Variants in ERI1 observed in about 807,000 individuals in gnomAD.
ERI1 encodes 3'-5' exoribonuclease 1.
ERI1 carries 39 observed loss-of-function variants against 39.7 expected under a neutral mutation model. The observed-to-expected ratio is 0.98, with a 90% confidence interval of 0.76 to 1.28. The LOEUF is 1.28. Ranked by LOEUF, ERI1 falls within the 50% of genes most tolerant of loss-of-function variation. The pLI is 0.00. For missense variants in ERI1, 581 were observed against 416.9 expected, an observed-to-expected ratio of 1.39 and a Z score of -3.43; for synonymous variants, 204 against 149.6, an observed-to-expected ratio of 1.36 and a Z score of -2.65.
At chr8:9,056,546 A>T (rs561859750) in intron 3 of ERI1, among the ~76,000 whole-genome samples, 3 of 152,342 alleles carry the variant, frequency 2.0e-5, no homozygotes, top group South Asian at 4.1e-4. Flanking sequence ...TTCCACATTT[A>T]AGGTAAATTC....
intron 3 of ERI1, among the ~76,000 whole-genome samples, chr8:9,080,824 C>G (rs956062210): frequency 1.3e-5 from 2 of 152,048 alleles, no homozygotes; most frequent in Non-Finnish European, 2.9e-5. Flanking sequence ...TGGAGGGCAG[C>G]GGTGCAAAGA....
intron 3 of ERI1, among the ~76,000 whole-genome samples, chr8:9,092,361 C>G (rs957063574): frequency 2.6e-5 from 4 of 152,164 alleles, no homozygotes; most frequent in African/African-American, 9.7e-5. Flanking sequence ...TCGTTCTGTT[C>G]AGAATCTTCC....
intron 6 of ERI1, among the ~76,000 whole-genome samples, chr8:9,021,061 C>T (rs1273913122): frequency 1.3e-5 from 2 of 152,152 alleles, no homozygotes; most frequent in Non-Finnish European, 2.9e-5. Context: ...ACCACTCCTG[C>T]TTGTCCTTCC....
At chr8:9,075,830 G>A (rs1395396619) in intron 3 of ERI1, among the ~76,000 whole-genome samples, 3 of 152,184 alleles carry the variant, frequency 2.0e-5, no homozygotes, top group East Asian at 3.8e-4. Context: ...ATAGAGACAA[G>A]GTCTTGCCAT....
chr8:9,028,488 A>T (rs1341415542), intron 6 of ERI1, among the ~76,000 whole-genome samples: 1 of 152,250 alleles, frequency 6.6e-6, no homozygotes, highest in African/African-American at 2.4e-5. Context: ...TAACCCTATG[A>T]GTAAATATTA....
At chr8:9,017,485 A>G (rs1361629060) in intron 4 of ERI1, among the ~76,000 whole-genome samples, 2 of 152,176 alleles carry the variant, frequency 1.3e-5, no homozygotes, top group African/African-American at 4.8e-5. Context: ...CTTTATGTGT[A>G]TATAGACGTA....
chr8:9,005,589 G>C (rs57693332), intron 1 of ERI1, among the ~76,000 whole-genome samples: 1 of 147,302 alleles, frequency 6.8e-6, no homozygotes, highest in South Asian at 2.1e-4. Flanking sequence ...GTCTCGGCTC[G>C]CTGCAAGCTC....
intron 6 of ERI1, among the ~76,000 whole-genome samples, chr8:9,022,809 A>G (rs1818057625): frequency 6.6e-6 from 1 of 152,222 alleles, no homozygotes; most frequent in South Asian, 2.1e-4. Context: ...CTCATGACCC[A>G]GGTTCAACAA....
At chr8:9,058,426 A>C (rs1798583334) in intron 3 of ERI1, among the ~76,000 whole-genome samples, 1 of 152,198 alleles carries the variant, frequency 6.6e-6, no homozygotes, top group African/African-American at 2.4e-5. Flanking sequence ...GGGCATGATA[A>C]CTAATCCCTG....
chr8:9,041,216 T>C (rs1217935239), intron 3 of ERI1, among the ~76,000 whole-genome samples: 1 of 152,186 alleles, frequency 6.6e-6, no homozygotes, highest in African/African-American at 2.4e-5. Flanking sequence ...ATTCTGGAAA[T>C]TCAGGAGAAA....
chr8:9,014,189 A>T lies in ERI1; in HGVS notation c.499-2133A>T, dbSNP rs142673207. ...AACTCATTCCACTCCAGGCATACTG[A>T]CCTGCTTGCTCATTCTCAAAAATGC... On this transcript the variant is annotated intron_variant, in intron 3 of 6. Coordinates refer to ENST00000250263, the MANE Select transcript of ERI1 (RefSeq NM_153332.4). Among the ~76,000 whole-genome samples the T allele has an allele frequency of 5.7e-4, 86 of 152,168 alleles. 1 individual carries two copies. The highest frequency in any genetic ancestry group is 2.0e-3 in the African/African-American group (83 of 41,518).
intron 3 of ERI1, among the ~76,000 whole-genome samples, chr8:9,045,266 A>G (rs995914925): frequency 5.4e-5 from 8 of 148,876 alleles, no homozygotes; most frequent in Admixed American, 4.0e-4. Context: ...AAGTAGTAAT[A>G]TTACGTTCAG....
At chr8:9,034,592 G>C (rs141224202), downstream of ERI1, among the ~76,000 whole-genome samples, 1 of 151,956 alleles carries the variant, frequency 6.6e-6, no homozygotes, top group Non-Finnish European at 1.5e-5. Context: ...ATAAGACAAC[G>C]AACTTAATTG....
At chr8:9,087,137 C>G (rs1799553954) in intron 3 of ERI1, among the ~76,000 whole-genome samples, 2 of 152,108 alleles carry the variant, frequency 1.3e-5, no homozygotes, top group South Asian at 4.2e-4. Context: ...CACCCACCAA[C>G]CCATCATCTA....
chr8:9,018,146 C>G, intron 4 of ERI1, 151 bp from the exon 5 acceptor site: 1 of 513,374 alleles, frequency 1.9e-6, no homozygotes, highest in Admixed American at 3.3e-5. Flanking sequence ...AAAAATGAAA[C>G]TTTAGGTGGA....
intron 6 of ERI1, among the ~76,000 whole-genome samples, chr8:9,023,554 C>A (rs911375387): frequency 1.3e-5 from 2 of 151,854 alleles, no homozygotes; most frequent in African/African-American, 4.8e-5. Flanking sequence ...CTTTGTGCAC[C>A]TGTTTATTTT....
intron 3 of ERI1, among the ~76,000 whole-genome samples, chr8:9,048,086 C>G (rs1342628507): frequency 2.0e-5 from 3 of 152,196 alleles, no homozygotes; most frequent in Admixed American, 1.3e-4. Context: ...TTGCATTGTC[C>G]TCTGGGAAGG....
chr8:9,052,995 A>G (rs776842815), intron 3 of ERI1, among the ~76,000 whole-genome samples: 6 of 152,168 alleles, frequency 3.9e-5, no homozygotes, highest in Non-Finnish European at 8.8e-5. Flanking sequence ...ACTAGTGGCT[A>G]ATGATTTATT....
At chr8:9,063,844 A>G (rs536710664) in intron 3 of ERI1, among the ~76,000 whole-genome samples, 1 of 152,256 alleles carries the variant, frequency 6.6e-6, no homozygotes, top group East Asian at 1.9e-4. Context: ...TAAGGCATTT[A>G]GGTTTTAGGT....
Sources: allele counts gnomAD v4.1 joint callset (sites outside exome capture counted in the v4.1 genomes callset), GRCh38; gene constraint gnomAD v4.1.1; transcripts MANE v1.5; gene names NCBI Gene and HGNC (gene_info 2026-07-23, HGNC 2026-07-21).